Variants in PSG6 observed in about 807,000 individuals in gnomAD.
The protein encoded by PSG6 is pregnancy specific beta-1-glycoprotein 6, also known as pregnancy-specific beta-1-glycoprotein 6.
PSG6 carries 51 observed loss-of-function variants against 43.3 expected under a neutral mutation model. The observed-to-expected ratio is 1.18, with a 90% CI of 0.94 to 1.49. PSG6 has a LOEUF of 1.49. Ranked by LOEUF, PSG6 falls within the 40% of genes most tolerant of loss-of-function variation. PSG6 has a pLI of 0.00. For synonymous variants in PSG6, 292 were observed against 197.6 expected, an observed-to-expected ratio of 1.48 and a Z score of -4.01; for missense variants, 770 against 522.2, an observed-to-expected ratio of 1.47 and a Z score of -4.62.
At chr19:42,904,140 G>T (rs1490979769) in intron 5 of PSG6, among the ~76,000 whole-genome samples, 1 of 151,484 alleles carries the variant, frequency 6.6e-6, no homozygotes, top group Non-Finnish European at 1.5e-5. Flanking sequence ...TCTAAGAATG[G>T]AAGGCAACCA....
intron 2 of PSG6, chr19:42,915,210 T>G (rs1216707901): frequency 6.6e-6 from 1 of 150,778 alleles, no homozygotes; most frequent in Non-Finnish European, 1.5e-5. Flanking sequence ...TGTGCCTCAG[T>G]TTTCTCTCAA....
chr19:42,912,876 C>G (rs1161070095), intron 2 of PSG6, among the ~76,000 whole-genome samples: 1 of 151,682 alleles, frequency 6.6e-6, no homozygotes, highest in African/African-American at 2.4e-5. Context: ...TAGGACCTAC[C>G]TGGCCACCTC....
rs1466971706 is a variant in PSG6, at chr19:42,910,621, A to C, written c.665T>G (p.Val222Gly). The change falls in exon 3 of 6, where the codon GTG (valine) becomes GGG (glycine). Residue 222 changes from valine (V) to glycine (G), a missense_variant. Physicochemically the swap from Val to Gly is moderately radical, Grantham distance 109. Coordinates refer to ENST00000187910, the MANE Select transcript of PSG6 (RefSeq NM_001031850.4). ...GACTGGGTCACTGCGGCTGGCACTC[A>C]CTGGGTTCCGTATTTCACATTCATA... ...GPYECEIRNPVSASRSDPVTL... is the reference protein window; with the variant it reads ...GPYECEIRNPGSASRSDPVTL... 2.5e-6 allele frequency: 4 copies of C among 1,612,482 alleles called. No homozygotes were observed. The highest frequency in any genetic ancestry group is 3.4e-6 in the Non-Finnish European group (4 of 1,179,264).
chr19:42,906,915 C>A lies in PSG6; in HGVS notation c.1240+7G>T, dbSNP rs143523888. 23,648 of 1,612,224 alleles carry A rather than the reference C, an allele frequency of 0.015. 763 individuals carry two copies. Among genetic ancestry groups the A allele is most frequent in the Non-Finnish European group, 0.017 (20,370 of 1,179,028 alleles). On this transcript the variant is annotated splice_region_variant and intron_variant, in intron 5 of 5. Transcript: ENST00000187910. ...CCCTATTGCCAAGGATGCTGGGATC[C>A]ACTTACCAGAGACTTTGACTATCAT...
intron 1 of PSG6, 140 bp from the exon 2 acceptor site, chr19:42,916,627 A>T: frequency 7.7e-7 from 1 of 1,293,362 alleles, no homozygotes; most frequent in South Asian, 1.5e-5. Flanking sequence ...CACACACACA[A>T]AAGGGCATGT....
At chr19:42,906,850 C>T in intron 5 of PSG6, 72 bp downstream of exon 5, 6 of 1,609,994 alleles carry the variant, frequency 3.7e-6, no homozygotes, top group Admixed American at 1.7e-5. Context: ...CAAATGTTTT[C>T]CTGACTCTTC....
chr19:42,904,032 A>G (rs1446391098), intron 5 of PSG6, among the ~76,000 whole-genome samples: 2 of 151,866 alleles, frequency 1.3e-5, no homozygotes, highest in Non-Finnish European at 2.9e-5. Context: ...ACAAACTCCT[A>G]GAAACACACA....
intron 3 of PSG6, among the ~76,000 whole-genome samples, chr19:42,909,501 G>T (rs545360385): frequency 6.6e-6 from 1 of 151,478 alleles, no homozygotes; most frequent in South Asian, 2.1e-4. Context: ...AACTCAATTG[G>T]GTAGTATTGC....
chr19:42,904,176 A>G (rs1229416480), intron 5 of PSG6, among the ~76,000 whole-genome samples: 3 of 151,692 alleles, frequency 2.0e-5, no homozygotes, highest in Admixed American at 6.6e-5. Context: ...AATATGTGAA[A>G]AACCCAATGC....
chr19:42,903,607 G>T, intron 5 of PSG6: 2 of 1,407,044 alleles, frequency 1.4e-6, no homozygotes, highest in Non-Finnish European at 1.9e-6. Flanking sequence ...AATGAAAATG[G>T]ACTCTGAGCA....
At chr19:42,912,360 G>A (rs1321347293) in intron 2 of PSG6, among the ~76,000 whole-genome samples, 1 of 151,610 alleles carries the variant, frequency 6.6e-6, no homozygotes, top group East Asian at 1.9e-4. Flanking sequence ...TTTTACTGAT[G>A]GTCCAAACAT....
intron 3 of PSG6, among the ~76,000 whole-genome samples, chr19:42,909,309 A>G (rs569552805): frequency 1.3e-5 from 2 of 151,632 alleles, no homozygotes; most frequent in East Asian, 3.9e-4. Flanking sequence ...GGGATGTGAG[A>G]AAGGCTGATT....
Position 42,917,750 on chromosome 19 carries a change from A to T in PSG6, c.43T>A (p.Trp15Arg). 4 of 1,610,022 alleles carry T rather than the reference A, an allele frequency of 2.5e-6. No homozygotes were observed. The highest frequency in any genetic ancestry group is 3.4e-6 in the Non-Finnish European group (4 of 1,177,816). ...TCACCTGTGAGCAGGAGCCCCTTCC[A>T]GGTGATGTGCTGAGTGCAGGGAGGG... ...SAPPCTQHIT[W>R]KGLLLTASLL... The change falls in exon 1 of 6, where the codon TGG becomes AGG. Residue 15 changes from tryptophan to arginine, a missense_variant. Transcript: ENST00000187910.
At position 42,910,825 on chromosome 19, in the gene PSG6, T is replaced by C. The variant is rs138682724; in HGVS notation, c.461A>G (p.Asn154Ser). The C allele has an allele frequency of 4.2e-5, 67 of 1,611,784 alleles. 3 individuals are homozygous for C. The African/African-American group carries it at 6.0e-4, about 14-fold the overall frequency. ...CTCCATGACCTCCCTGGGGTTTAAGTTGCTGCTGGAGATGGAGGGCTTGGG... is the reference window on the plus strand; with the variant it reads ...CTCCATGACCTCCCTGGGGTTTAAGCTGCTGCTGGAGATGGAGGGCTTGGG... The part of the protein sequence containing the change: ...ETPKPSISSS[N>S]LNPREVMEAV... The change falls in exon 3 of 6, where the codon AAC (asparagine) becomes AGC (serine). Residue 154 changes from asparagine to serine, a missense_variant. Transcript: ENST00000187910.
rs1972141353 is a variant in PSG6, at chr19:42,907,645, G to T, written c.916C>A (p.Pro306Thr). The change falls in exon 4 of 6, where the codon CCC (proline) becomes ACC (threonine). Residue 306 changes from proline (P) to threonine (T), a missense_variant. Physicochemically the swap from Pro to Thr is conservative, Grantham distance 38 (BLOSUM62 -1). Coordinates refer to ENST00000187910, the MANE Select transcript of PSG6 (RefSeq NM_001031850.4). ...CGGTCCCGTATTTCACATTGATAGGGTCCTGTTTCATTTCTCGTGACACTG... is the reference window on the plus strand; with the variant it reads ...CGGTCCCGTATTTCACATTGATAGGTTCCTGTTTCATTTCTCGTGACACTG... The part of the protein sequence containing the change: ...LPSVTRNETG[P>T]YQCEIRDRYG... The T allele has an allele frequency of 1.9e-6, 3 of 1,611,616 alleles. No homozygotes were observed. Among genetic ancestry groups the T allele is most frequent in the Non-Finnish European group, 2.5e-6 (3 of 1,179,126 alleles).
At position 42,906,930 on chromosome 19, in the gene PSG6, T is replaced by C. The variant is rs201151900; in HGVS notation, c.1232A>G (p.Lys411Arg). The C allele has an allele frequency of 5.0e-5, 80 of 1,612,186 alleles. 2 individuals are homozygous for C. The highest frequency in any genetic ancestry group is 1.2e-4 in the Admixed American group (7 of 59,854). ...TGCTGGGATCCACTTACCAGAGACT[T>C]TGACTATCATGGATTTGGAGATTTC... The part of the protein sequence containing the change: ...GKEISKSMIV[K>R]VSGPCHGNQT... Residue 411 changes from lysine to arginine, a missense_variant, in exon 5 of 6, where the codon AAA becomes AGA. Coordinates refer to ENST00000187910, the MANE Select transcript of PSG6 (RefSeq NM_001031850.4).
Position 42,910,719 on chromosome 19 carries a change from A to G in PSG6, c.567T>C (p.Thr189=), listed in dbSNP as rs1972205843. ...TGGTTTTGGACAGCTGCAACCTGTG[A>G]GTCATAGGGAGGTTCTGACCATTCA... The part of the protein sequence containing the change: ...WLLNGQNLPM[T]HRLQLSKTNR... Residue 189 remains threonine (T), a synonymous_variant, in exon 3 of 6, where the codon ACT becomes ACC. Coordinates refer to ENST00000187910, the MANE Select transcript of PSG6 (RefSeq NM_001031850.4). The G allele has an allele frequency of 6.2e-7, 1 of 1,612,328 alleles. No homozygotes were observed. Among genetic ancestry groups the G allele is most frequent in the East Asian group, 2.2e-5 (1 of 44,780 alleles).
At chr19:42,910,961 A>G in intron 2 of PSG6, 103 bp from the exon 3 acceptor site, 8 of 1,515,538 alleles carry the variant, frequency 5.3e-6, no homozygotes, top group Non-Finnish European at 7.1e-6. Flanking sequence ...AGCCCACCCA[A>G]GTCCTTAAAA....
intron 3 of PSG6, chr19:42,909,575 G>A (rs1311183601): frequency 4.0e-5 from 6 of 151,522 alleles, no homozygotes; most frequent in Admixed American, 6.6e-5. Flanking sequence ...TATTGATATC[G>A]TCTTTAATTT....
Sources: allele counts gnomAD v4.1 joint callset (sites outside exome capture counted in the v4.1 genomes callset), GRCh38; gene constraint gnomAD v4.1.1; transcripts MANE v1.5; gene names NCBI Gene and HGNC (gene_info 2026-07-23, HGNC 2026-07-21).